The following TMEM108 variants were observed in gnomAD, a reference collection of about 807,000 sequenced individuals.
TMEM108 encodes cancer/testis antigen 124.
A neutral mutation model predicts 35.1 loss-of-function variants in TMEM108; 12 were observed. The ratio of observed to expected loss-of-function variants is 0.34; its 90% CI spans 0.22 to 0.55. The LOEUF is 0.55. Among genes scored for constraint, TMEM108 ranks in the 20% least tolerant of loss-of-function variants. The pLI is 0.89. For missense variants in TMEM108, 680 were observed against 753.3 expected, an observed-to-expected ratio of 0.90 and a Z score of 1.14; for synonymous variants, 287 against 308.6, an observed-to-expected ratio of 0.93 and a Z score of 0.73.
chr3:133,390,164 T>C lies in TMEM108; in HGVS notation c.1451-16T>C. Reference sequence around the variant, plus strand: ...TGCTGCCTCCCTCTCCTCTCTGACTTGCACTCTCTCCATAGCTGTCCTGCT... The same window carrying C: ...TGCTGCCTCCCTCTCCTCTCTGACTCGCACTCTCTCCATAGCTGTCCTGCT... On this transcript the variant is annotated splice_polypyrimidine_tract_variant and intron_variant, in intron 4 of 5. Coordinates refer to ENST00000321871, the MANE Select transcript of TMEM108 (RefSeq NM_023943.4). The C allele has an allele frequency of 6.2e-7, 1 of 1,613,916 alleles. No homozygotes were observed. The highest frequency in any genetic ancestry group is 8.5e-7 in the Non-Finnish European group (1 of 1,179,900).
At chr3:133,051,953 T>A (rs1273004971) in intron 2 of TMEM108, among the ~76,000 whole-genome samples, 1 of 152,166 alleles carries the variant, frequency 6.6e-6, no homozygotes, top group East Asian at 1.9e-4. Context: ...TCAGTTCTGC[T>A]TTAATATTGT....
intron 2 of TMEM108, among the ~76,000 whole-genome samples, chr3:133,139,628 G>A (rs1291120787): frequency 1.3e-5 from 2 of 152,182 alleles, no homozygotes; most frequent in African/African-American, 2.4e-5. Context: ...ACAGCTTTAA[G>A]CATTTGCCCA....
chr3:133,321,981 T>C (rs1392662447), intron 3 of TMEM108, among the ~76,000 whole-genome samples: 2 of 152,130 alleles, frequency 1.3e-5, no homozygotes, highest in Admixed American at 6.6e-5. Context: ...TTGAACTGAA[T>C]GATAATTTTG....
chr3:133,079,733 G>C (rs1401487583), intron 2 of TMEM108, among the ~76,000 whole-genome samples: 2 of 152,158 alleles, frequency 1.3e-5, no homozygotes, highest in African/African-American at 4.8e-5. Flanking sequence ...CAGGTCAGAA[G>C]GGCCCCAGCA....
intron 2 of TMEM108, among the ~76,000 whole-genome samples, chr3:133,061,258 C>T (rs531547974): frequency 1.4e-5 from 2 of 146,762 alleles, no homozygotes; most frequent in South Asian, 4.3e-4. Context: ...GTCGCCCAGG[C>T]TGGAGTGCAG....
At chr3:133,310,457 T>C (rs892541797) in intron 3 of TMEM108, among the ~76,000 whole-genome samples, 3 of 151,222 alleles carry the variant, frequency 2.0e-5, no homozygotes, top group African/African-American at 7.3e-5. Flanking sequence ...CATTATGTAA[T>C]GGCCTTCTTT....
intron 5 of TMEM108, among the ~76,000 whole-genome samples, chr3:133,390,668 A>G (rs992228442): frequency 2.0e-5 from 3 of 152,192 alleles, no homozygotes; most frequent in Non-Finnish European, 4.4e-5. Flanking sequence ...GCTTGCTCCT[A>G]AGGGGCTCAG....
intron 3 of TMEM108, among the ~76,000 whole-genome samples, chr3:133,265,694 T>G (rs1228271393): frequency 6.6e-6 from 1 of 152,186 alleles, no homozygotes; most frequent in Non-Finnish European, 1.5e-5. Flanking sequence ...ATGAGATCAT[T>G]GAAAATAAAT....
intron 2 of TMEM108, among the ~76,000 whole-genome samples, chr3:133,059,185 C>T (rs1943507772): frequency 6.6e-6 from 1 of 152,202 alleles, no homozygotes; most frequent in African/African-American, 2.4e-5. Context: ...CTCAAAGACG[C>T]TACCTCCTAA....
intron 2 of TMEM108, among the ~76,000 whole-genome samples, chr3:133,215,541 G>T (rs1576388187): frequency 6.6e-6 from 1 of 152,178 alleles, no homozygotes; most frequent in South Asian, 2.1e-4. Flanking sequence ...TGAAAGCATT[G>T]CAAGTATTTA....
intron 2 of TMEM108, among the ~76,000 whole-genome samples, chr3:133,104,193 T>C (rs1241476617): frequency 1.3e-5 from 2 of 152,136 alleles, no homozygotes; most frequent in Non-Finnish European, 2.9e-5. Flanking sequence ...TAAAATGGGA[T>C]GATAATAATA....
intron 3 of TMEM108, among the ~76,000 whole-genome samples, chr3:133,335,597 T>G (rs2071478406): frequency 6.6e-6 from 1 of 152,178 alleles, no homozygotes; most frequent in African/African-American, 2.4e-5. Flanking sequence ...GGAATCAAAA[T>G]TAAATAAGAT....
intron 3 of TMEM108, among the ~76,000 whole-genome samples, chr3:133,353,899 A>T (rs2072082047): frequency 6.6e-6 from 1 of 152,234 alleles, no homozygotes; most frequent in African/African-American, 2.4e-5. Flanking sequence ...CCAGGCAGGC[A>T]CATGGTCTCT....
intron 2 of TMEM108, among the ~76,000 whole-genome samples, chr3:133,220,780 C>T (rs1446212791): frequency 5.9e-5 from 9 of 152,144 alleles, no homozygotes; most frequent in Non-Finnish European, 5.9e-5. Context: ...CACAAGACTG[C>T]TCCCTACTTT....
chr3:133,138,957 C>T (rs1944603446), intron 2 of TMEM108, among the ~76,000 whole-genome samples: 1 of 151,894 alleles, frequency 6.6e-6, no homozygotes, highest in Admixed American at 6.6e-5. Flanking sequence ...TGATGTTCCC[C>T]TCCCTGTGTC....
intron 2 of TMEM108, among the ~76,000 whole-genome samples, chr3:133,070,638 T>A (rs1197717242): frequency 1.3e-5 from 2 of 152,172 alleles, no homozygotes; most frequent in Non-Finnish European, 2.9e-5. Context: ...CAAGGACTCA[T>A]TCTTTGTAAC....
In TMEM108 at chr3:133,390,293, G is replaced by A. The variant is rs1466327045; in HGVS notation, c.1564G>A (p.Val522Met). 5.6e-6 allele frequency: 9 copies of A among 1,614,128 alleles called. No individual in the cohort carries two copies. Among genetic ancestry groups the A allele is most frequent in the Non-Finnish European group, 7.6e-6 (9 of 1,180,042 alleles). The part of the protein sequence containing the change: ...ITMDYFNRHA[V>M]ELPREIQSLE... ...CATGGACTACTTCAACAGGCATGCT[G>A]TGGAGCTGCCCAGGGAGATCCAGTC... is the stretch of plus-strand genomic sequence containing the variant. The change falls in exon 5 of 6, where the codon GTG (valine) becomes ATG (methionine). Residue 522 changes from valine to methionine, a missense_variant. By Grantham distance (21) the Val-to-Met change is conservative. Around this residue, in one of 3 missense-constraint regions of TMEM108, gnomAD observed 105 missense variants for 150.7 expected, o/e 0.70. Transcript: ENST00000321871.
chr3:133,222,947 A>C (rs1057083768), intron 2 of TMEM108, among the ~76,000 whole-genome samples: 1 of 152,092 alleles, frequency 6.6e-6, no homozygotes, highest in African/African-American at 2.4e-5. Flanking sequence ...CAGCCTCTCA[A>C]GAAGCTGGGA....
chr3:133,078,464 G>T (rs1025803657), intron 2 of TMEM108, among the ~76,000 whole-genome samples: 3 of 152,204 alleles, frequency 2.0e-5, no homozygotes, highest in South Asian at 2.1e-4. Flanking sequence ...TAGGGTCTTT[G>T]TAGAGATGAG....
Sources: gnomAD v4.1 joint callset for allele counts (sites outside exome capture counted in the v4.1 genomes callset) on GRCh38, gnomAD v4.1.1 for gene constraint, gnomAD v4.1.1 regional missense constraint, MANE v1.5 for transcripts, NCBI Gene and HGNC (gene_info 2026-07-23, HGNC 2026-07-21) for gene names.